Variants in CSF2RA observed in about 807,000 individuals in gnomAD.
CSF2RA encodes granulocyte-macrophage colony-stimulating factor receptor subunit alpha.
Under a neutral mutation model 51.6 loss-of-function variants are expected in CSF2RA, and 42 were observed. The ratio of observed to expected loss-of-function variants is 0.81; its 90% CI spans 0.64 to 1.05. The LOEUF (loss-of-function observed/expected upper bound fraction) is 1.05, where lower values mean the gene tolerates loss of function less well. CSF2RA is among the 50% of genes least tolerant of loss of function. CSF2RA has a pLI of 0.00. For missense variants in CSF2RA, 530 were observed against 501.1 expected, an observed-to-expected ratio of 1.06 and a Z score of -0.55; for synonymous variants, 222 against 193.0, an observed-to-expected ratio of 1.15 and a Z score of -1.24.
chrX:1,281,004 C>CT (rs1343505691), intron 2 of CSF2RA, among the ~76,000 whole-genome samples: 4 of 120,794 alleles, frequency 3.3e-5, no homozygotes, highest in Admixed American at 8.5e-5. Flanking sequence ...TCTCCTCCTC[C>CT]TCCTTCTCCT....
At chrX:1,287,463 G>T (rs1446578856) in intron 4 of CSF2RA, among the ~76,000 whole-genome samples, 1 of 147,846 alleles carries the variant, frequency 6.8e-6, no homozygotes, top group Non-Finnish European at 1.5e-5. Flanking sequence ...TTATTTTTTG[G>T]GATGGAGTCT....
the CSF2RA span, among the ~76,000 whole-genome samples, chrX:1,318,573 A>G: frequency 6.6e-6 from 1 of 151,690 alleles, no homozygotes; most frequent in African/African-American, 2.4e-5. Context: ...GCCCCTCCTG[A>G]GAGAAAGGAT....
chrX:1,279,358 ATAATAAT>A (rs1425475840), intron 2 of CSF2RA, among the ~76,000 whole-genome samples: 1 of 151,922 alleles, frequency 6.6e-6, no homozygotes, highest in Admixed American at 6.6e-5. Flanking sequence ...CAAAATAATA[ATAATAAT>A]TAATAATAAT....
chrX:1,319,081 C>T, the CSF2RA span, among the ~76,000 whole-genome samples: 8 of 148,906 alleles, frequency 5.4e-5, no homozygotes, highest in South Asian at 2.2e-4. Flanking sequence ...CTACAACCTC[C>T]GCCTCCCGGG....
rs758795669 is a variant in CSF2RA, at chrX:1,290,487, A to G, written c.624A>G (p.Ser208=). The G allele has an allele frequency of 8.1e-6, 13 of 1,613,762 alleles. No individual in the cohort carries two copies. The highest frequency in any genetic ancestry group is 6.6e-5 in the South Asian group (6 of 91,074). The change falls in exon 7 of 13, where the codon TCA becomes TCG. Residue 208 remains serine, a synonymous_variant. Coordinates refer to ENST00000381529, the MANE Select transcript of CSF2RA (RefSeq NM_172245.4). ...AAATTGGCATCCAATTCTTTGATTC[A>G]CTTTTGGACACAAAGAAAATAGGTG... ...SREIGIQFFD[S]LLDTKKIERF... is the part of the protein sequence containing the mutation.
downstream of CSF2RA, among the ~76,000 whole-genome samples, chrX:1,314,902 TCAACCCCACTTCACCTGCC>T (rs1174128879): frequency 3.2e-4 from 6 of 18,544 alleles, 1 homozygote; most frequent in East Asian, 1.5e-3. Flanking sequence ...CTGAACCTGC[TCAACCCCACTTCACCTGCC>T]CAACCGCACT....
the CSF2RA span, among the ~76,000 whole-genome samples, chrX:1,318,155 AT>A: frequency 8.1e-4 from 114 of 140,756 alleles, 1 homozygote; most frequent in African/African-American, 2.5e-3. Flanking sequence ...CGCCCGGCTA[AT>A]TTTTTTTTTT....
At chrX:1,278,378 A>G (rs1167694733) in intron 2 of CSF2RA, among the ~76,000 whole-genome samples, 2 of 148,870 alleles carry the variant, frequency 1.3e-5, no homozygotes, top group Non-Finnish European at 3.0e-5. Flanking sequence ...TATGAAAGTA[A>G]AGTAGTGGAA....
At chrX:1,318,533 C>G in the CSF2RA span, among the ~76,000 whole-genome samples, 1 of 151,954 alleles carries the variant, frequency 6.6e-6, no homozygotes, top group African/African-American at 2.4e-5. Flanking sequence ...GGCCGTTGGA[C>G]TTTGCCCCAC....
At chrX:1,320,834 T>C in the CSF2RA span, among the ~76,000 whole-genome samples, 1 of 150,540 alleles carries the variant, frequency 6.6e-6, no homozygotes, top group Admixed American at 6.6e-5. Context: ...TTATGATCTC[T>C]GTTTTTTTTT....
intron 2 of CSF2RA, among the ~76,000 whole-genome samples, chrX:1,277,952 G>C (rs1463264068): frequency 6.9e-6 from 1 of 145,758 alleles, no homozygotes; most frequent in East Asian, 2.0e-4. Flanking sequence ...ACTCCAGCCT[G>C]GGCAACAGAA....
At chrX:1,282,252 G>T in intron 2 of CSF2RA, 1 of 192,342 alleles carries the variant, frequency 5.2e-6, no homozygotes, top group Non-Finnish European at 1.1e-5. Flanking sequence ...CAAAAGTTAT[G>T]AAAATGAAAA....
chrX:1,324,592 AAG>A, the CSF2RA span, among the ~76,000 whole-genome samples: 2 of 151,208 alleles, frequency 1.3e-5, no homozygotes, highest in African/African-American at 4.9e-5. Flanking sequence ...AAGAAAGAGA[AAG>A]AGAGAAAGAA....
chrX:1,308,855 A>G (rs1463927312), intron 12 of CSF2RA, among the ~76,000 whole-genome samples: 1 of 152,140 alleles, frequency 6.6e-6, no homozygotes, highest in Non-Finnish European at 1.5e-5. Flanking sequence ...TTTCATGCTC[A>G]CAAGCTCTTC....
At chrX:1,295,493 C>T (rs1472512031) in intron 9 of CSF2RA, 37 bp downstream of exon 9, 16 of 1,574,240 alleles carry the variant, frequency 1.0e-5, no homozygotes, top group East Asian at 2.4e-5. Flanking sequence ...CAACCCTCAG[C>T]GTAACCCTAC....
intron 2 of CSF2RA, among the ~76,000 whole-genome samples, chrX:1,279,927 T>C (rs1244106856): frequency 6.6e-6 from 1 of 151,776 alleles, no homozygotes; most frequent in Non-Finnish European, 1.5e-5. Context: ...GTAGCTGGGA[T>C]TACAGGCACC....
intron 2 of CSF2RA, among the ~76,000 whole-genome samples, chrX:1,280,445 TG>T (rs1337089436): frequency 7.4e-6 from 1 of 134,534 alleles, no homozygotes; most frequent in Non-Finnish European, 1.5e-5. Context: ...CACTCCAGCC[TG>T]GGTGACAAGA....
intron 11 of CSF2RA, 66 bp from the exon 12 acceptor site, chrX:1,305,380 G>GCGTT (rs1208259145): frequency 1.3e-6 from 2 of 1,561,860 alleles, no homozygotes; most frequent in African/African-American, 2.7e-5. Flanking sequence ...TCGGCACAGG[G>GCGTT]CGTTGATGGA....
rs2091849673 is a variant in CSF2RA at position 1,295,457 on chromosome X, G to A, written c.810+1G>A. 6.2e-7 allele frequency: 1 copy of A among 1,613,304 alleles called. No individual in the cohort carries two copies. The highest frequency in any genetic ancestry group is 1.3e-5 in the African/African-American group (1 of 74,782). On this transcript the variant is annotated splice_donor_variant, in intron 9 of 12. Coordinates refer to ENST00000381529, the MANE Select transcript of CSF2RA (RefSeq NM_172245.4). LOFTEE classifies it high-confidence loss of function. ...CCAGCCTGGCACGGAAAACCTACTG[G>A]TAAGTGAAACCACAGACCCTACTGA...
Sources: gnomAD v4.1 joint callset for allele counts (sites outside exome capture counted in the v4.1 genomes callset) on GRCh38, gnomAD v4.1.1 for gene constraint, MANE v1.5 for transcripts, NCBI Gene and HGNC (gene_info 2026-07-23, HGNC 2026-07-21) for gene names.